The following CATSPERG variants were observed in gnomAD, a reference collection of about 807,000 sequenced individuals.
CATSPERG encodes cation channel sperm-associated auxiliary subunit gamma.
A neutral mutation model predicts 145.0 loss-of-function variants in CATSPERG; 115 were observed. The observed-to-expected ratio is 0.79, with a 90% CI of 0.68 to 0.93. The LOEUF (loss-of-function observed/expected upper bound fraction) is 0.93, where lower values mean the gene tolerates loss of function less well. Ranked by LOEUF, CATSPERG falls within the 40% of genes least tolerant of loss-of-function variation. The pLI is 0.00. For synonymous variants in CATSPERG, 588 were observed against 589.0 expected (o/e 1.00, Z 0.02); for missense variants, 1,296 against 1,490.1 (o/e 0.87, Z 2.14).
At chr19:38,347,198 G>C (rs1006749119) in intron 7 of CATSPERG, among the ~76,000 whole-genome samples, 1 of 151,958 alleles carries the variant, frequency 6.6e-6, no homozygotes, top group South Asian at 2.1e-4. Flanking sequence ...GAGACAGATC[G>C]AGACCCTGTC....
Position 38,361,696 on chromosome 19 carries a change from G to A in CATSPERG, c.1929G>A (p.Met643Ile). ...SFIDFCPFSV[M>I]RLRSLPSPQR... ...TCGACTTCTGCCCCTTCTCGGTGATGCGCCTGCGGAGCCTGCCCAGTCCGC... is the reference window on the plus strand; with the variant it reads ...TCGACTTCTGCCCCTTCTCGGTGATACGCCTGCGGAGCCTGCCCAGTCCGC... The change falls in exon 17 of 29, where the codon ATG becomes ATA. Residue 643 changes from methionine to isoleucine, a missense_variant. Transcript: ENST00000409235. 6.2e-7 allele frequency: 1 copy of A among 1,612,064 alleles called. No homozygotes were observed. The highest frequency in any genetic ancestry group is 8.5e-7 in the Non-Finnish European group (1 of 1,179,812).
intron 1 of CATSPERG, chr19:38,336,655 T>C: frequency 4.5e-6 from 1 of 220,014 alleles, no homozygotes; most frequent in Non-Finnish European, 9.3e-6. Context: ...GGGCAAGAGG[T>C]TGGGGCACAG....
In CATSPERG at chr19:38,337,657, G is replaced by A; in HGVS notation, c.324+11G>A. 1.3e-6 allele frequency: 2 copies of A among 1,550,890 alleles called. No individual in the cohort carries two copies. The highest frequency in any genetic ancestry group is 1.7e-6 in the Non-Finnish European group (2 of 1,146,252). On this transcript the variant is annotated intron_variant, in intron 3 of 28. Transcript: ENST00000409235. ...TCCTGCGAGGAAAAGGTGAGTGGGT[G>A]CAGCACGGATAGGCTCATTCTATGA...
chr19:38,359,540 T>A lies in CATSPERG; in HGVS notation c.1567T>A (p.Ser523Thr), dbSNP rs779553878. The A allele has an allele frequency of 2.0e-5, 32 of 1,613,670 alleles. No individual in the cohort carries two copies. The highest frequency in any genetic ancestry group is 1.6e-4 in the Middle Eastern group (1 of 6,066). The part of the protein sequence containing the change: ...KELSIKYMAR[S>T]FRGAVAIVTE... ...ACTGTCCATCAAATACATGGCCAGA[T>A]CGTTCCGTGGGGCTGTGGCTATTGT... Residue 523 changes from serine to threonine, a missense_variant, in exon 14 of 29, where the codon TCG becomes ACG. Ser to Thr is a moderately conservative substitution (Grantham distance 58, BLOSUM62 1). Transcript: ENST00000409235.
Position 38,337,492 on chromosome 19 carries a change from C to A in CATSPERG, c.258C>A (p.Ile86=). The stretch of plus-strand genomic sequence containing the variant: ...TTCACATGCTGGTGGACTCACCCAT[C>A]GACCCGAGCGAGGTGAGGGGACCAG... The part of the protein sequence containing the change: ...SLFHMLVDSP[I]DPSEKYLGFP... Residue 86 remains isoleucine, a synonymous_variant, in exon 2 of 29, where the codon ATC becomes ATA. Transcript: ENST00000409235. The A allele has an allele frequency of 1.9e-6, 3 of 1,551,994 alleles. No homozygotes were observed. The highest frequency in any genetic ancestry group is 2.6e-6 in the Non-Finnish European group (3 of 1,147,070).
At position 38,362,373 on chromosome 19, in the gene CATSPERG, C is replaced by T; in HGVS notation, c.2158-3C>T. 1 of 1,614,166 alleles carries T rather than the reference C, an allele frequency of 6.2e-7. No homozygotes were observed. Among genetic ancestry groups the T allele is most frequent in the Non-Finnish European group, 8.5e-7 (1 of 1,180,004 alleles). ...ACTCTGCCCCGCGCATCCGGTACCC[C>T]AGGATTACTACTTCTTCTTGGCGAG... On this transcript the variant is annotated splice_region_variant and splice_polypyrimidine_tract_variant and intron_variant, in intron 18 of 28. Transcript: ENST00000409235.
intron 16 of CATSPERG, among the ~76,000 whole-genome samples, chr19:38,361,278 A>AATGATGCCTCCGGTC (rs1970339543): frequency 6.6e-6 from 1 of 152,104 alleles, no homozygotes; most frequent in Non-Finnish European, 1.5e-5. Context: ...CGCGTGCCGT[A>AATGATGCCTCCGGTC]ATGATGCCTC....
chr19:38,356,991 G>A lies in CATSPERG; in HGVS notation c.1315+130G>A, dbSNP rs971597434. ...AACATTACCTGTGTCACTCCTGGTT[G>A]AGGAGTAGCAGTGGAGAACAGGATA... is the stretch of plus-strand genomic sequence containing the variant. On this transcript the variant is annotated intron_variant, in intron 11 of 28. Transcript: ENST00000409235. The A allele has an allele frequency of 1.3e-5, 16 of 1,192,374 alleles. No individual in the cohort carries two copies. In the Admixed American group the frequency reaches 2.8e-4, roughly 21 times the overall value. The allele number at this position is 1,192,374 out of a possible 1,614,324, so 73.9% of individuals were successfully genotyped here.
chr19:38,352,333 AC>A lies in CATSPERG; in HGVS notation c.899del (p.Thr300IlefsTer61). On this transcript the variant is annotated frameshift_variant, in exon 8 of 29. Transcript: ENST00000409235. LOFTEE classifies it high-confidence loss of function. Reference protein sequence around the residue: ...HSGFTATIYDTIATESTLFIR... With the variant: ...HSGFTATIYDXIATESTLFIR... ...TGGCTTCACAGCCACCATCTATGAC[AC>A]TATTGCCACCGAGAGCACCCTCTTC... The A allele has an allele frequency of 6.4e-7, 1 of 1,551,486 alleles. No homozygotes were observed.
rs562520345 is a variant in CATSPERG at position 38,356,815 on chromosome 19, A to G, written c.1269A>G (p.Gly423=). The G allele has an allele frequency of 1.5e-5, 25 of 1,614,060 alleles. No individual in the cohort carries two copies. Among genetic ancestry groups the G allele is most frequent in the Middle Eastern group, 1.6e-4 (1 of 6,062 alleles). Residue 423 remains glycine (G), a synonymous_variant, in exon 11 of 29, where the codon GGA becomes GGG. Coordinates refer to ENST00000409235, the MANE Select transcript of CATSPERG (RefSeq NM_021185.5). ...CTCTACTGCTGCTGGTGGAGAGTGGATATGGTAATGCAAGTAAACGTTTCC... is the reference window on the plus strand; with the variant it reads ...CTCTACTGCTGCTGGTGGAGAGTGGGTATGGTAATGCAAGTAAACGTTTCC... ...EYTLLLLVES[G]YGNASKRFQV... is the part of the protein sequence containing the mutation.
intron 27 of CATSPERG, 22 bp from the exon 28 acceptor site, chr19:38,370,135 TGG>T (rs749925610): frequency 2.6e-5 from 42 of 1,613,564 alleles, no homozygotes; most frequent in Non-Finnish European, 3.1e-5. Context: ...CCTCTAATCC[TGG>T]ATCCCCTCCC....
chr19:38,343,491 C>G (rs1969971727), intron 3 of CATSPERG, 89 bp from the exon 4 acceptor site: 6 of 1,228,814 alleles, frequency 4.9e-6, no homozygotes. Flanking sequence ...CCGGACAGCC[C>G]AGGAGACAGA....
At chr19:38,359,982 T>G in intron 14 of CATSPERG, 1 of 1,035,090 alleles carries the variant, frequency 9.7e-7, no homozygotes, top group Non-Finnish European at 1.2e-6. Context: ...GAGGGCTTCA[T>G]GGGGGAGACC....
At chr19:38,368,287 G>C in intron 26 of CATSPERG, 150 bp downstream of exon 26, 1 of 685,536 alleles carries the variant, frequency 1.5e-6, no homozygotes, top group Non-Finnish European at 2.5e-6. Flanking sequence ...TGCACAAGCT[G>C]AAGTCTCTGC....
chr19:38,363,474 C>A (rs990738185), intron 20 of CATSPERG, among the ~76,000 whole-genome samples: 60 of 151,244 alleles, frequency 4.0e-4, no homozygotes, highest in Admixed American at 1.2e-3. Flanking sequence ...TGTGCTTGGC[C>A]CCGTTAGCCT....
At chr19:38,358,059 A>G in intron 11 of CATSPERG, 2 of 547,238 alleles carry the variant, frequency 3.7e-6, no homozygotes, top group Non-Finnish European at 3.3e-6. Flanking sequence ...CAGAAGTTGC[A>G]GTGAGCTGAG....
chr19:38,354,764 A>C lies in CATSPERG; in HGVS notation c.1052A>C (p.Tyr351Ser). 6.2e-7 allele frequency: 1 copy of C among 1,614,112 alleles called. No individual in the cohort carries two copies. Among genetic ancestry groups the C allele is most frequent in the Non-Finnish European group, 8.5e-7 (1 of 1,180,022 alleles). Residue 351 changes from tyrosine to serine, a missense_variant, in exon 9 of 29, where the codon TAT becomes TCT. By Grantham distance (144) the Tyr-to-Ser change is moderately radical. Transcript: ENST00000409235. ...SECIKKLCPVYFHSNGSEYIM... is the reference protein window; with the variant it reads ...SECIKKLCPVSFHSNGSEYIM... ...TGCATCAAGAAGCTGTGCCCTGTGTATTTCCATAGCAATGGCTCTGAGTAC... is the reference window on the plus strand; with the variant it reads ...TGCATCAAGAAGCTGTGCCCTGTGTCTTTCCATAGCAATGGCTCTGAGTAC...
chr19:38,352,274 G>A lies in CATSPERG; in HGVS notation c.839G>A (p.Ser280Asn). Residue 280 changes from serine to asparagine, a missense_variant, in exon 8 of 29, where the codon AGT (serine) becomes AAT (asparagine). Ser to Asn is a conservative substitution (Grantham distance 46). Coordinates refer to ENST00000409235, the MANE Select transcript of CATSPERG (RefSeq NM_021185.5). ...GCTCCCCTGCAGCTGAGCATTGACAGTTGCTGGGTGGGCTCCTTCTACTGC... is the reference window on the plus strand; with the variant it reads ...GCTCCCCTGCAGCTGAGCATTGACAATTGCTGGGTGGGCTCCTTCTACTGC... ...DFSLVELSID[S>N]CWVGSFYCPH... 3.9e-6 allele frequency: 6 copies of A among 1,551,530 alleles called. No homozygotes were observed. The highest frequency in any genetic ancestry group is 4.4e-6 in the Non-Finnish European group (5 of 1,147,064).
chr19:38,343,990 C>A lies in CATSPERG; in HGVS notation c.470-3C>A. On this transcript the variant is annotated splice_polypyrimidine_tract_variant and splice_region_variant and intron_variant, in intron 4 of 28. Transcript: ENST00000409235. ...AGTTTCAGTGCCCAGGGCCTCCCTG[C>A]AGAGCCATGCATGGCAGAAGAAGTG... 6.5e-7 allele frequency: 1 copy of A among 1,549,880 alleles called. No individual in the cohort carries two copies. Among genetic ancestry groups the A allele is most frequent in the African/African-American group, 1.4e-5 (1 of 73,076 alleles).
Sources: allele counts gnomAD v4.1 joint callset (sites outside exome capture counted in the v4.1 genomes callset), GRCh38; gene constraint gnomAD v4.1.1; transcripts MANE v1.5; gene names NCBI Gene and HGNC (gene_info 2026-07-23, HGNC 2026-07-21).